The following SEC11A variants were observed in gnomAD, a reference collection of about 807,000 sequenced individuals.
SEC11A encodes signal peptidase complex catalytic subunit SEC11A.
Under a neutral mutation model 25.6 loss-of-function variants are expected in SEC11A, and 14 were observed. That is an observed-to-expected ratio of 0.55 (90% CI 0.36 to 0.85). SEC11A has a LOEUF of 0.85. Ranked by LOEUF, SEC11A falls within the 40% of genes least tolerant of loss-of-function variation. SEC11A has a pLI of 0.01. For synonymous variants in SEC11A, 83 were observed against 76.4 expected, an observed-to-expected ratio of 1.09 and a Z score of -0.45; for missense variants, 153 against 222.9, an observed-to-expected ratio of 0.69 and a Z score of 2.00.
rs368244862 is a variant in SEC11A at position 84,670,000 on chromosome 15, G to C, written c.*19C>G. The C allele has an allele frequency of 1.9e-6, 3 of 1,613,332 alleles. No homozygotes were observed. The highest frequency in any genetic ancestry group is 1.7e-5 in the Admixed American group (1 of 59,946). ...AACGAAAACTATGGCATCTTCCCAG[G>C]AACAGCAAGGCAGGCTTCTTACTCA... On this transcript the variant is annotated 3_prime_UTR_variant, in exon 6 of 6. Transcript: ENST00000268220.
intron 3 of SEC11A, among the ~76,000 whole-genome samples, chr15:84,681,720 T>A (rs1222597503): frequency 6.6e-6 from 1 of 152,086 alleles, no homozygotes; most frequent in Non-Finnish European, 1.5e-5. Flanking sequence ...TCAAACAAAT[T>A]GTTTAAGAAA....
chr15:84,690,764 G>A (rs1279787669), intron 2 of SEC11A, among the ~76,000 whole-genome samples: 1 of 152,156 alleles, frequency 6.6e-6, no homozygotes, highest in Non-Finnish European at 1.5e-5. Flanking sequence ...ATATTTAAAG[G>A]TCAGCAGGAA....
intron 3 of SEC11A, among the ~76,000 whole-genome samples, chr15:84,681,418 TC>T (rs2141880153): frequency 6.6e-6 from 1 of 151,844 alleles, no homozygotes; most frequent in East Asian, 2.0e-4. Flanking sequence ...TCACCTGAGG[TC>T]AGAAGTTCGA....
intron 1 of SEC11A, among the ~76,000 whole-genome samples, chr15:84,712,608 C>T (rs777665343): frequency 2.6e-5 from 4 of 151,780 alleles, no homozygotes; most frequent in Non-Finnish European, 4.4e-5. Context: ...CCACCATGCT[C>T]GGCTAATTTT....
At chr15:84,711,949 T>C (rs1484457174) in intron 1 of SEC11A, among the ~76,000 whole-genome samples, 3 of 152,044 alleles carry the variant, frequency 2.0e-5, no homozygotes, top group Non-Finnish European at 2.9e-5. Context: ...TCAATTAATT[T>C]AAACAACTTG....
intron 5 of SEC11A, 195 bp from the exon 6 acceptor site, chr15:84,670,264 T>G (rs994087514): frequency 2.2e-4 from 99 of 452,912 alleles, no homozygotes; most frequent in Non-Finnish European, 2.8e-4. Context: ...TTTTCTTTTT[T>G]TTTTTTTTTT....
chr15:84,694,944 G>A (rs1395093856), intron 1 of SEC11A, among the ~76,000 whole-genome samples: 4 of 151,762 alleles, frequency 2.6e-5, no homozygotes, highest in Non-Finnish European at 5.9e-5. Flanking sequence ...ACAAAAATTA[G>A]CCAGGCGCAG....
chr15:84,698,867 TA>T (rs894539082), intron 1 of SEC11A, among the ~76,000 whole-genome samples: 6 of 150,264 alleles, frequency 4.0e-5, no homozygotes, highest in African/African-American at 7.3e-5. Flanking sequence ...TATTCCAAAA[TA>T]AAAAAAAAGT....
At chr15:84,691,836 C>T (rs919833179) in intron 1 of SEC11A, 192 bp from the exon 2 acceptor site, 4 of 413,388 alleles carry the variant, frequency 9.7e-6, no homozygotes, top group Non-Finnish European at 1.7e-5. Context: ...ACCCAAAGCA[C>T]CCTGCTCCAT....
intron 1 of SEC11A, among the ~76,000 whole-genome samples, chr15:84,701,197 T>C (rs1897930113): frequency 6.8e-6 from 1 of 147,974 alleles, no homozygotes; most frequent in African/African-American, 2.5e-5. Flanking sequence ...GAGCCAGGCA[T>C]GGTGGCATGC....
chr15:84,708,742 C>T (rs996584683), intron 1 of SEC11A, among the ~76,000 whole-genome samples: 3 of 151,350 alleles, frequency 2.0e-5, no homozygotes, highest in Non-Finnish European at 4.4e-5. Context: ...GAGCTGTAAT[C>T]GCATCACTGG....
In SEC11A at chr15:84,676,601, T is replaced by C. The variant is rs568432928; in HGVS notation, c.431+4112A>G. Among the ~76,000 whole-genome samples, 6 of 149,996 alleles carry C rather than the reference T, an allele frequency of 4.0e-5. No homozygotes were observed. In the South Asian group the frequency reaches 1.3e-3, roughly 32 times the overall value. On this transcript the variant is annotated intron_variant, in intron 4 of 5. Coordinates refer to ENST00000268220, the MANE Select transcript of SEC11A (RefSeq NM_014300.4). Reference sequence around the variant, plus strand: ...CCGCCTGGCTAACATGGTGAAACCCTGTTTCTACTGAAAATACAAAAAATT... The same window carrying C: ...CCGCCTGGCTAACATGGTGAAACCCCGTTTCTACTGAAAATACAAAAAATT...
intron 1 of SEC11A, among the ~76,000 whole-genome samples, chr15:84,694,744 C>A (rs1462725534): frequency 6.6e-6 from 1 of 151,986 alleles, no homozygotes; most frequent in Non-Finnish European, 1.5e-5. Flanking sequence ...GGGAGGATCA[C>A]TTGAGCCTAG....
chr15:84,678,317 G>A (rs1334878300), intron 4 of SEC11A, among the ~76,000 whole-genome samples: 2 of 152,120 alleles, frequency 1.3e-5, no homozygotes, highest in East Asian at 3.8e-4. Flanking sequence ...GGCAAAATTT[G>A]TCAAAAGCCT....
intron 1 of SEC11A, among the ~76,000 whole-genome samples, chr15:84,696,294 C>A (rs1897766133): frequency 6.6e-6 from 1 of 152,042 alleles, no homozygotes; most frequent in Non-Finnish European, 1.5e-5. Context: ...AAGATGGTGG[C>A]TTTTTAAAAG....
At chr15:84,677,085 T>C (rs1897154912) in intron 4 of SEC11A, among the ~76,000 whole-genome samples, 1 of 151,894 alleles carries the variant, frequency 6.6e-6, no homozygotes, top group Non-Finnish European at 1.5e-5. Context: ...AGTGAGACTC[T>C]GTCTCAAGAA....
At chr15:84,682,044 G>A (rs990497256) in intron 3 of SEC11A, among the ~76,000 whole-genome samples, 2 of 152,174 alleles carry the variant, frequency 1.3e-5, no homozygotes, top group Admixed American at 6.6e-5. Flanking sequence ...TGGAGACAGA[G>A]TGAGACACTG....
At chr15:84,685,424 A>T (rs76915911) in intron 3 of SEC11A, among the ~76,000 whole-genome samples, 8 of 133,604 alleles carry the variant, frequency 6.0e-5, no homozygotes, top group South Asian at 2.4e-4. Context: ...TGCCTGACTC[A>T]TTTTTTTTTT....
In SEC11A at chr15:84,676,786, CA is replaced by C. The variant is rs199559166; in HGVS notation, c.431+3926del. Among the ~76,000 whole-genome samples, 1,848 of 120,320 alleles carry C rather than the reference CA, an allele frequency of 0.015. 114 individuals carry two copies. The East Asian group carries it at 0.24, about 15-fold the overall frequency. The allele number at this position is 120,320 out of a possible 152,430, so 78.9% of individuals were successfully genotyped here. A position where few individuals can be genotyped will look rare whatever the true frequency, so the allele number is the denominator to read the frequency against. Reference sequence around the variant, plus strand: ...GGGCAACAAGAGCAAAACTCCATCTCAAAAAAAAAAAAAGCATAAAGGAAGC... The same window carrying C: ...GGGCAACAAGAGCAAAACTCCATCTCAAAAAAAAAAAAGCATAAAGGAAGC... On this transcript the variant is annotated intron_variant, in intron 4 of 5. Coordinates refer to ENST00000268220, the MANE Select transcript of SEC11A (RefSeq NM_014300.4).
Sources: gnomAD v4.1 joint callset for allele counts (sites outside exome capture counted in the v4.1 genomes callset) on GRCh38, gnomAD v4.1.1 for gene constraint, MANE v1.5 for transcripts, NCBI Gene and HGNC (gene_info 2026-07-23, HGNC 2026-07-21) for gene names.